The following SLC25A12 variants were observed in gnomAD, a reference collection of about 807,000 sequenced individuals.
SLC25A12 encodes the protein electrogenic aspartate/glutamate antiporter SLC25A12, mitochondrial.
A neutral mutation model predicts 83.3 loss-of-function variants in SLC25A12; 32 were observed. The ratio of observed to expected loss-of-function variants is 0.38; its 90% CI spans 0.29 to 0.52. SLC25A12 has a LOEUF of 0.52. Ranked by LOEUF, SLC25A12 falls within the 20% of genes least tolerant of loss-of-function variation. The probability of loss-of-function intolerance (pLI) is 0.84; values close to 1 mark genes in which losing one functional copy is unlikely to be tolerated. For synonymous variants in SLC25A12, 267 were observed against 291.1 expected (o/e 0.92, Z 0.84); for missense variants, 611 against 835.6 (o/e 0.73, Z 3.31).
intron 11 of SLC25A12, among the ~76,000 whole-genome samples, chr2:171,811,976 A>C (rs1331419500): frequency 2.0e-5 from 3 of 152,204 alleles, no homozygotes; most frequent in South Asian, 4.1e-4. Flanking sequence ...CCATTAAATA[A>C]AATCTGGATA....
Position 171,894,192 on chromosome 2 carries a change from G to A in SLC25A12, c.12+11C>T, listed in dbSNP as rs780177294. The A allele has an allele frequency of 1.2e-6, 2 of 1,608,462 alleles. No homozygotes were observed. Among genetic ancestry groups the A allele is most frequent in the Admixed American group, 3.4e-5 (2 of 59,430 alleles). Reference sequence around the variant, plus strand: ...TATGCAATAAAAGCAGCAGCAGAGAGTTGGAGTCACCTTGACCGCCATGCT... The same window carrying A: ...TATGCAATAAAAGCAGCAGCAGAGAATTGGAGTCACCTTGACCGCCATGCT... On this transcript the variant is annotated intron_variant, in intron 1 of 17. Coordinates refer to ENST00000422440, the MANE Select transcript of SLC25A12 (RefSeq NM_003705.5).
intron 2 of SLC25A12, among the ~76,000 whole-genome samples, chr2:171,871,219 CA>C (rs1160635290): frequency 6.6e-6 from 1 of 151,562 alleles, no homozygotes; most frequent in Admixed American, 6.6e-5. Flanking sequence ...AAAAAACAAA[CA>C]AAAAAAGCCA....
At chr2:171,884,302 C>G (rs1685765111) in intron 2 of SLC25A12, among the ~76,000 whole-genome samples, 1 of 150,978 alleles carries the variant, frequency 6.6e-6, no homozygotes. Context: ...GCAATTCTCC[C>G]ACCTCAGCCT....
At chr2:171,805,140 A>C (rs1365140564) in intron 13 of SLC25A12, among the ~76,000 whole-genome samples, 2 of 147,502 alleles carry the variant, frequency 1.4e-5, no homozygotes, top group African/African-American at 2.5e-5. Flanking sequence ...ACAGAGTCTC[A>C]CTCTGTTGCC....
chr2:171,847,971 A>G (rs1420698903), intron 4 of SLC25A12, among the ~76,000 whole-genome samples: 1 of 152,244 alleles, frequency 6.6e-6, no homozygotes, highest in African/African-American at 2.4e-5. Flanking sequence ...TAGTCAGTTT[A>G]GCTGTATCAG....
intron 3 of SLC25A12, among the ~76,000 whole-genome samples, chr2:171,862,906 C>A (rs548749630): frequency 1.8e-4 from 28 of 152,054 alleles, no homozygotes; most frequent in Middle Eastern, 3.4e-3. Flanking sequence ...TATCTTTTTT[C>A]TTTTTCGTTA....
intron 13 of SLC25A12, among the ~76,000 whole-genome samples, chr2:171,796,185 G>A (rs1330167933): frequency 2.0e-5 from 3 of 152,216 alleles, no homozygotes; most frequent in Admixed American, 1.3e-4. Flanking sequence ...AGGCTCAAGC[G>A]ATCCACTCGC....
At chr2:171,847,399 T>G (rs1165261611) in intron 4 of SLC25A12, among the ~76,000 whole-genome samples, 1 of 152,272 alleles carries the variant, frequency 6.6e-6, no homozygotes, top group Admixed American at 6.5e-5. Flanking sequence ...GGAGAGCTTA[T>G]GCTTGTATGA....
At chr2:171,789,692 C>G (rs1683383388) in intron 15 of SLC25A12, among the ~76,000 whole-genome samples, 1 of 152,170 alleles carries the variant, frequency 6.6e-6, no homozygotes. Flanking sequence ...GTGGCTCTGA[C>G]CAGCTGTGCT....
chr2:171,827,661 G>C (rs545011932), intron 8 of SLC25A12, among the ~76,000 whole-genome samples: 15 of 152,294 alleles, frequency 9.8e-5, no homozygotes, highest in African/African-American at 3.4e-4. Context: ...CTGATCTGTG[G>C]AGTATACTTT....
intron 9 of SLC25A12, among the ~76,000 whole-genome samples, chr2:171,817,800 C>T (rs1684085833): frequency 6.6e-6 from 1 of 151,886 alleles, no homozygotes; most frequent in Non-Finnish European, 1.5e-5. Context: ...ATCAAGTAAC[C>T]ACTAATACCC....
chr2:171,843,202 CA>C (rs1341378512), intron 5 of SLC25A12, among the ~76,000 whole-genome samples: 1 of 151,986 alleles, frequency 6.6e-6, no homozygotes, highest in African/African-American at 2.4e-5. Flanking sequence ...TGGAGAGCTC[CA>C]AGAAGATGAA....
chr2:171,796,061 T>A (rs1398044211), intron 13 of SLC25A12, among the ~76,000 whole-genome samples: 2 of 152,146 alleles, frequency 1.3e-5, no homozygotes, highest in Non-Finnish European at 2.9e-5. Context: ...TCCTCCCACC[T>A]CAGCTTCCCG....
At chr2:171,833,515 C>T (rs1684490137) in intron 8 of SLC25A12, among the ~76,000 whole-genome samples, 1 of 152,164 alleles carries the variant, frequency 6.6e-6, no homozygotes. Context: ...AGATGATCTA[C>T]CCACCTTGGC....
intron 3 of SLC25A12, among the ~76,000 whole-genome samples, chr2:171,863,277 G>C (rs1193688429): frequency 2.0e-5 from 3 of 152,148 alleles, no homozygotes; most frequent in African/African-American, 4.8e-5. Flanking sequence ...TGCAATCCCA[G>C]CTCTTTGGGA....
At position 171,810,710 on chromosome 2, in the gene SLC25A12, T is replaced by TAGCCACAAACTA. The variant is rs1553470946; in HGVS notation, c.1172-435_1172-434insTAGTTTGTGGCT. On this transcript the variant is annotated intron_variant, in intron 11 of 17. Coordinates refer to ENST00000422440, the MANE Select transcript of SLC25A12 (RefSeq NM_003705.5). ...GCATGCTGTTAAGCATACCCAGATT[T>TAGCCACAAACTA]TGCTACCTACATAATGGCATACAGT... is the stretch of plus-strand genomic sequence containing the variant. Among the ~76,000 whole-genome samples the TAGCCACAAACTA allele has an allele frequency of 2.6e-5, 4 of 151,920 alleles. No homozygotes were observed. In the East Asian group the frequency reaches 7.8e-4, roughly 29 times the overall value.
At chr2:171,793,868 A>G in intron 13 of SLC25A12, 101 bp from the exon 14 acceptor site, 1 of 1,397,184 alleles carries the variant, frequency 7.2e-7, no homozygotes, top group East Asian at 2.3e-5. Context: ...TGCTATCTTG[A>G]AAAGAAGGAG....
intron 13 of SLC25A12, among the ~76,000 whole-genome samples, chr2:171,799,340 A>G (rs564452743): frequency 3.3e-5 from 5 of 152,354 alleles, no homozygotes; most frequent in Non-Finnish European, 5.9e-5. Flanking sequence ...ATGCATATCT[A>G]TATGTGTTCA....
chr2:171,855,501 G>T (rs1171097061), intron 4 of SLC25A12, among the ~76,000 whole-genome samples: 1 of 151,982 alleles, frequency 6.6e-6, no homozygotes, highest in Non-Finnish European at 1.5e-5. Flanking sequence ...TAAAGAATGA[G>T]AAAATTGTTT....
Sources: allele counts gnomAD v4.1 joint callset (sites outside exome capture counted in the v4.1 genomes callset), GRCh38; gene constraint gnomAD v4.1.1; transcripts MANE v1.5; gene names NCBI Gene and HGNC (gene_info 2026-07-23, HGNC 2026-07-21).